ABI1: variants seen among roughly 807,000 people sequenced by gnomAD.
ABI1 encodes the protein abl interactor 1, also known as Abelson interactor 1.
A neutral mutation model predicts 54.6 loss-of-function variants in ABI1; 14 were observed. That is an observed-to-expected ratio of 0.26 (90% confidence interval 0.17 to 0.40). The LOEUF is 0.40. Ranked by LOEUF, ABI1 falls within the 10% of genes least tolerant of loss-of-function variation. The pLI is 1.00. For missense variants in ABI1, 443 were observed against 598.3 expected, an observed-to-expected ratio of 0.74 and a Z score of 2.71; for synonymous variants, 194 against 209.3, an observed-to-expected ratio of 0.93 and a Z score of 0.63.
chr10:26,804,585 G>A (rs1460328085), intron 2 of ABI1, among the ~76,000 whole-genome samples: 1 of 152,094 alleles, frequency 6.6e-6, no homozygotes, highest in Non-Finnish European at 1.5e-5. Flanking sequence ...AAGAGAGATT[G>A]AATATAAGAG....
At chr10:26,818,261 T>C (rs556668591) in intron 2 of ABI1, among the ~76,000 whole-genome samples, 1 of 149,510 alleles carries the variant, frequency 6.7e-6, no homozygotes, top group South Asian at 2.1e-4. Flanking sequence ...ATAATAACTA[T>C]GGGTAAATAT....
At chr10:26,828,007 G>A (rs545959271) in intron 1 of ABI1, among the ~76,000 whole-genome samples, 4 of 152,208 alleles carry the variant, frequency 2.6e-5, no homozygotes, top group Non-Finnish European at 5.9e-5. Context: ...GAGGCTTAAC[G>A]TTTGGCCTAT....
At chr10:26,780,846 T>G (rs1265336456) in intron 2 of ABI1, among the ~76,000 whole-genome samples, 6 of 152,104 alleles carry the variant, frequency 3.9e-5, no homozygotes, top group Non-Finnish European at 7.4e-5. Flanking sequence ...ACTGCTGAGG[T>G]CTGGGTAGGG....
At chr10:26,813,094 C>A (rs2047340316) in intron 2 of ABI1, among the ~76,000 whole-genome samples, 1 of 151,888 alleles carries the variant, frequency 6.6e-6, no homozygotes, top group Non-Finnish European at 1.5e-5. Flanking sequence ...AAGAAAAATA[C>A]AAAAATGACC....
intron 2 of ABI1, chr10:26,789,152 A>T (rs1278746652): frequency 6.6e-6 from 1 of 152,192 alleles, no homozygotes; most frequent in African/African-American, 2.4e-5. Flanking sequence ...AAGCACCAGG[A>T]CACCAGGGAA....
At chr10:26,771,120 A>T (rs759956915) in intron 3 of ABI1, 31 bp from the exon 4 acceptor site, 104 of 1,612,448 alleles carry the variant, frequency 6.4e-5, no homozygotes, top group Non-Finnish European at 8.5e-5. Flanking sequence ...GGGGGGAAAA[A>T]GTAGACATTA....
intron 1 of ABI1, among the ~76,000 whole-genome samples, chr10:26,830,284 C>T (rs531544492): frequency 6.6e-6 from 1 of 152,076 alleles, no homozygotes; most frequent in African/African-American, 2.4e-5. Flanking sequence ...CCTAAAGATA[C>T]AACTGCTGAG....
intron 7 of ABI1, among the ~76,000 whole-genome samples, chr10:26,762,288 G>A (rs1002391868): frequency 1.3e-5 from 2 of 152,136 alleles, no homozygotes; most frequent in East Asian, 3.9e-4. Flanking sequence ...GATTAGAGGC[G>A]TGAGCCACTG....
At chr10:26,859,969 G>T (rs1328991702) in intron 1 of ABI1, among the ~76,000 whole-genome samples, 2 of 151,948 alleles carry the variant, frequency 1.3e-5, no homozygotes, top group Non-Finnish European at 2.9e-5. Flanking sequence ...TTATGGTGGG[G>T]CGGAAGTGAA....
intron 1 of ABI1, among the ~76,000 whole-genome samples, chr10:26,849,651 T>C (rs1437921106): frequency 1.3e-5 from 2 of 152,220 alleles, no homozygotes; most frequent in East Asian, 1.9e-4. Flanking sequence ...GTAAGCCTAA[T>C]ACTTCAAGGA....
At chr10:26,769,069 C>T (rs1840332889) in intron 5 of ABI1, 77 bp from the exon 6 acceptor site, 1 of 1,143,328 alleles carries the variant, frequency 8.7e-7, no homozygotes, top group Non-Finnish European at 1.2e-6. Flanking sequence ...ATGTGAGTCT[C>T]CCTTTGTGAC....
At chr10:26,811,060 T>C (rs1015155831) in intron 2 of ABI1, among the ~76,000 whole-genome samples, 14 of 152,154 alleles carry the variant, frequency 9.2e-5, no homozygotes, top group Non-Finnish European at 1.6e-4. Context: ...CTAAAATATA[T>C]TAAAATTCAT....
chr10:26,764,012 C>T (rs1309033462), intron 7 of ABI1: 1 of 1,381,214 alleles, frequency 7.2e-7, no homozygotes, highest in East Asian at 2.3e-5. Flanking sequence ...GAAAACTCAA[C>T]ATTTTGAAAC....
chr10:26,837,935 C>G (rs766247658), intron 1 of ABI1, among the ~76,000 whole-genome samples: 5 of 151,928 alleles, frequency 3.3e-5, no homozygotes, highest in Admixed American at 6.6e-5. Context: ...AGCATTTTCA[C>G]ATAGTAACCT....
At chr10:26,748,837 G>T in intron 10 of ABI1, 92 bp from the exon 11 acceptor site, 1 of 887,858 alleles carries the variant, frequency 1.1e-6, no homozygotes, top group Non-Finnish European at 1.7e-6. Context: ...ATATAGCACA[G>T]CAAAACTATT....
chr10:26,819,705 C>T (rs1012502073), intron 2 of ABI1, among the ~76,000 whole-genome samples: 1 of 152,128 alleles, frequency 6.6e-6, no homozygotes, highest in African/African-American at 2.4e-5. Flanking sequence ...TATGAAAGGA[C>T]TCACAGCATA....
intron 1 of ABI1, among the ~76,000 whole-genome samples, chr10:26,834,706 C>A (rs1423187889): frequency 3.3e-5 from 5 of 152,136 alleles, no homozygotes; most frequent in African/African-American, 9.7e-5. Flanking sequence ...GTGGCTCACG[C>A]CTGTAATCCC....
intron 1 of ABI1, among the ~76,000 whole-genome samples, chr10:26,825,187 C>A (rs752156591): frequency 6.6e-6 from 1 of 152,110 alleles, no homozygotes; most frequent in Non-Finnish European, 1.5e-5. Context: ...CTATGGCATG[C>A]GATATTTGAT....
intron 1 of ABI1, among the ~76,000 whole-genome samples, chr10:26,857,074 C>G (rs1170848642): frequency 1.3e-5 from 2 of 152,072 alleles, no homozygotes; most frequent in Non-Finnish European, 2.9e-5. Flanking sequence ...AATCCCAACA[C>G]TTTGGGAGGC....
Sources: allele counts gnomAD v4.1 joint callset (sites outside exome capture counted in the v4.1 genomes callset), GRCh38; gene constraint gnomAD v4.1.1; transcripts MANE v1.5; gene names NCBI Gene and HGNC (gene_info 2026-07-23, HGNC 2026-07-21).